RANBP17: variants seen among roughly 807,000 people sequenced by gnomAD.
RANBP17 encodes the protein ran-binding protein 17.
A neutral mutation model predicts 141.2 loss-of-function variants in RANBP17; 158 were observed. The observed-to-expected ratio is 1.12, with a 90% CI of 0.98 to 1.28. The LOEUF (loss-of-function observed/expected upper bound fraction) is 1.28, where lower values mean the gene tolerates loss of function less well. RANBP17 is among the 50% of genes most tolerant of loss of function. RANBP17 has a pLI of 0.00. For missense variants in RANBP17, 1,438 were observed against 1,290.7 expected (o/e 1.11, Z -1.75); for synonymous variants, 430 against 450.0 (o/e 0.96, Z 0.56).
chr5:171,217,781 ATTC>A (rs1431095301), intron 21 of RANBP17, among the ~76,000 whole-genome samples: 5 of 150,000 alleles, frequency 3.3e-5, no homozygotes, highest in South Asian at 2.1e-4. Flanking sequence ...CATCTATTTG[ATTC>A]TTCTTCTTTA....
chr5:171,175,598 C>G (rs1469323356), intron 16 of RANBP17, among the ~76,000 whole-genome samples: 7 of 151,956 alleles, frequency 4.6e-5, no homozygotes, highest in Admixed American at 2.0e-4. Context: ...AAAAAAACAA[C>G]CCCATCAAAA....
intron 25 of RANBP17, among the ~76,000 whole-genome samples, chr5:171,288,436 G>A (rs1447512527): frequency 6.6e-6 from 1 of 152,202 alleles, no homozygotes; most frequent in African/African-American, 2.4e-5. Context: ...TGTAAAGTAG[G>A]TCGTACAGCC....
At chr5:171,269,893 G>A (rs1766981939) in intron 25 of RANBP17, among the ~76,000 whole-genome samples, 1 of 152,188 alleles carries the variant, frequency 6.6e-6, no homozygotes, top group African/African-American at 2.4e-5. Flanking sequence ...GACTAATTGT[G>A]CTTGGAGTTT....
chr5:171,271,240 G>A (rs888171275), intron 25 of RANBP17: 10 of 212,220 alleles, frequency 4.7e-5, no homozygotes, highest in African/African-American at 2.3e-4. Flanking sequence ...GTCAGTCAAT[G>A]AAAATTGCTT....
intron 7 of RANBP17, among the ~76,000 whole-genome samples, chr5:170,912,659 C>T (rs967954297): frequency 4.6e-5 from 7 of 151,302 alleles, no homozygotes; most frequent in South Asian, 2.1e-4. Flanking sequence ...AACCCAATCT[C>T]CTAGAATGTA....
In RANBP17 at chr5:170,869,018, A is replaced by G. The variant is rs146886458; in HGVS notation, c.18+6967A>G. On this transcript the variant is annotated intron_variant, in intron 1 of 27. Transcript: ENST00000523189. ...AGTTTGTTACCTTTACAGTGAAAGA[A>G]TAACTTGATTTTCCCTTTGAGTCTT... 6.0e-3 allele frequency among the ~76,000 whole-genome samples: 907 copies of G among 152,312 alleles called. 9 individuals carry two copies. Among genetic ancestry groups the G allele is most frequent in the African/African-American group, 0.021 (864 of 41,564 alleles).
At chr5:171,170,049 C>A (rs1759988459) in intron 14 of RANBP17, 81 bp from the exon 15 acceptor site, 1 of 731,566 alleles carries the variant, frequency 1.4e-6, no homozygotes, top group East Asian at 2.9e-5. Flanking sequence ...TGCATTAAAT[C>A]TTATGTTTGT....
intron 14 of RANBP17, among the ~76,000 whole-genome samples, chr5:171,055,901 A>C (rs1214083327): frequency 2.0e-5 from 3 of 151,272 alleles, no homozygotes; most frequent in Admixed American, 1.3e-4. Flanking sequence ...AAAAAACAAA[A>C]AAAAAAACAT....
chr5:171,132,252 G>A (rs1216829533), intron 14 of RANBP17, among the ~76,000 whole-genome samples: 1 of 151,892 alleles, frequency 6.6e-6, no homozygotes, highest in Non-Finnish European at 1.5e-5. Context: ...CCCACCCAAG[G>A]GAAGGAAGGA....
At chr5:171,259,807 C>T (rs1327345053) in intron 24 of RANBP17, among the ~76,000 whole-genome samples, 1 of 150,086 alleles carries the variant, frequency 6.7e-6, no homozygotes, top group East Asian at 2.0e-4. Flanking sequence ...ATGGTGAAAC[C>T]CCATCTCTAC....
chr5:171,241,985 CT>C (rs925508018), intron 23 of RANBP17, among the ~76,000 whole-genome samples: 21 of 151,204 alleles, frequency 1.4e-4, no homozygotes, highest in African/African-American at 4.6e-4. Context: ...TCTGGTTTCT[CT>C]TTTTTTCTTT....
chr5:171,297,402 C>T (rs1768884229), intron 27 of RANBP17, among the ~76,000 whole-genome samples: 1 of 152,132 alleles, frequency 6.6e-6, no homozygotes, highest in African/African-American at 2.4e-5. Flanking sequence ...AAAAAAAAGG[C>T]CTGCACCATC....
intron 24 of RANBP17, among the ~76,000 whole-genome samples, chr5:171,254,165 G>A (rs1170976283): frequency 6.6e-6 from 1 of 151,232 alleles, no homozygotes; most frequent in East Asian, 1.9e-4. Context: ...GAGAATCACT[G>A]GAACCTGGGG....
chr5:171,034,309 C>G (rs962352643), intron 14 of RANBP17, among the ~76,000 whole-genome samples: 2 of 152,096 alleles, frequency 1.3e-5, no homozygotes, highest in Non-Finnish European at 2.9e-5. Flanking sequence ...AAGCCACTTA[C>G]ACATTACTCT....
At chr5:171,112,445 T>C (rs1326973632) in intron 14 of RANBP17, among the ~76,000 whole-genome samples, 1 of 151,830 alleles carries the variant, frequency 6.6e-6, no homozygotes, top group Non-Finnish European at 1.5e-5. Flanking sequence ...AGGTAAATAC[T>C]TGAAAGTAAG....
intron 11 of RANBP17, among the ~76,000 whole-genome samples, chr5:170,920,224 T>A (rs1262903977): frequency 6.6e-6 from 1 of 152,174 alleles, no homozygotes. Flanking sequence ...ATATTTTACT[T>A]CGTAAAAGCT....
At chr5:170,987,901 G>GT (rs925658038) in intron 14 of RANBP17, among the ~76,000 whole-genome samples, 26 of 150,428 alleles carry the variant, frequency 1.7e-4, no homozygotes, top group African/African-American at 4.9e-4. Context: ...TATGGGCTTA[G>GT]TTTTTTTTTA....
chr5:171,034,187 A>G (rs1350647348), intron 14 of RANBP17, among the ~76,000 whole-genome samples: 1 of 152,240 alleles, frequency 6.6e-6, no homozygotes, highest in African/African-American at 2.4e-5. Context: ...GTTCATGATT[A>G]TGAAACACTT....
chr5:171,151,942 T>C (rs1466794345), intron 14 of RANBP17, among the ~76,000 whole-genome samples: 1 of 152,160 alleles, frequency 6.6e-6, no homozygotes, highest in Non-Finnish European at 1.5e-5. Context: ...TGGGAGCAGA[T>C]GAACTCCCCC....
Sources: allele counts gnomAD v4.1 joint callset (sites outside exome capture counted in the v4.1 genomes callset), GRCh38; gene constraint gnomAD v4.1.1; transcripts MANE v1.5; gene names NCBI Gene and HGNC (gene_info 2026-07-23, HGNC 2026-07-21).